The following PTPN23 variants were observed in gnomAD, a reference collection of about 807,000 sequenced individuals.
PTPN23 encodes protein tyrosine phosphatase non-receptor type 23, also known as tyrosine-protein phosphatase non-receptor type 23.
PTPN23 carries 72 observed loss-of-function variants against 156.3 expected under a neutral mutation model. The observed-to-expected ratio is 0.46, with a 90% confidence interval of 0.38 to 0.56. The LOEUF (loss-of-function observed/expected upper bound fraction) is 0.56. Ranked by LOEUF, PTPN23 falls within the 20% of genes least tolerant of loss-of-function variation. The pLI, the probability that PTPN23 is intolerant of heterozygous loss-of-function variation, is 0.00. For synonymous variants in PTPN23, 957 were observed against 899.6 expected (o/e 1.06, Z -1.14); for missense variants, 1,974 against 2,171.5 (o/e 0.91, Z 1.81).
At position 47,402,827 on chromosome 3, in the gene PTPN23, T is replaced by G. The variant is rs910621556; in HGVS notation, c.160-1825T>G. Among the ~76,000 whole-genome samples the G allele has an allele frequency of 1.1e-4, 17 of 152,246 alleles. 1 individual carries two copies. In the East Asian group the frequency reaches 3.3e-3, roughly 29 times the overall value. ...TTCAAACGATTCTCTTGCCTAAGCC[T>G]CCCGAGTAGCTGGGATTACAGGCAC... On this transcript the variant is annotated intron_variant, in intron 2 of 24. Coordinates refer to ENST00000265562, the MANE Select transcript of PTPN23 (RefSeq NM_015466.4).
At chr3:47,384,360 A>C (rs1291838389) in intron 1 of PTPN23, among the ~76,000 whole-genome samples, 1 of 143,564 alleles carries the variant, frequency 7.0e-6, no homozygotes, top group African/African-American at 2.6e-5. Context: ...CGGGAGGCTG[A>C]GGCAGGAGAA....
chr3:47,385,353 T>G (rs1704631258), intron 1 of PTPN23, among the ~76,000 whole-genome samples: 1 of 152,174 alleles, frequency 6.6e-6, no homozygotes, highest in Non-Finnish European at 1.5e-5. Flanking sequence ...GTGCCTGTCA[T>G]GTGCCAGCCC....
At position 47,412,878 on chromosome 3, in the gene PTPN23, C is replaced by T. The variant is rs763458730; in HGVS notation, c.4604C>T (p.Pro1535Leu). Residue 1535 changes from proline to leucine, a missense_variant, in exon 25 of 25, where the codon CCA becomes CTA. Coordinates refer to ENST00000265562, the MANE Select transcript of PTPN23 (RefSeq NM_015466.4). ...CCAGGCCTCCCGCCAGCCAGCCTCC[C>T]AGAGTCTACCCCAATCCCATCTTCC... ...EPPGLPPASL[P>L]ESTPIPSSSP... 6.2e-7 allele frequency: 1 copy of T among 1,612,194 alleles called. No homozygotes were observed. The highest frequency in any genetic ancestry group is 8.5e-7 in the Non-Finnish European group (1 of 1,178,876).
intron 1 of PTPN23, among the ~76,000 whole-genome samples, chr3:47,383,108 T>C (rs1364986168): frequency 1.3e-5 from 2 of 152,174 alleles, no homozygotes; most frequent in Non-Finnish European, 1.5e-5. Flanking sequence ...TCCCACTTCT[T>C]TCAGCATTTA....
rs1283388778 is a variant in PTPN23, at chr3:47,407,620, TGGGGTGGGGA to T, written c.1003+37_1003+46del. ...TGAGAGGTGGGGGCAGAGGTGACGG[TGGGGTGGGGA>T]CAGGACACAGGAGGCTGCCTCAAGG... On this transcript the variant is annotated intron_variant, in intron 12 of 24. Transcript: ENST00000265562. This position sits in a 1 kb window ranked among gnomAD's most constrained non-coding sequence, Gnocchi z 4.0. The T allele has an allele frequency of 4.1e-5, 66 of 1,605,360 alleles. No homozygotes were observed. Among genetic ancestry groups the T allele is most frequent in the Non-Finnish European group, 5.1e-5 (60 of 1,172,500 alleles).
chr3:47,409,593 TCCCGGAGCCA>T, intron 18 of PTPN23, 25 bp downstream of exon 18: 1 of 1,612,580 alleles, frequency 6.2e-7, no homozygotes, highest in Non-Finnish European at 8.5e-7. Flanking sequence ...CTCTGCTCTT[TCCCGGAGCCA>T]CCTGGAGCCC....
At chr3:47,395,051 C>T (rs1704850296) in intron 1 of PTPN23, among the ~76,000 whole-genome samples, 3 of 152,160 alleles carry the variant, frequency 2.0e-5, no homozygotes, top group Admixed American at 6.6e-5. Flanking sequence ...CTGTCGCCTC[C>T]CTGCCATCTG....
At position 47,408,990 on chromosome 3, in the gene PTPN23, G is replaced by C. The variant is rs148796973; in HGVS notation, c.1545G>C (p.Leu515=). 1.2e-6 allele frequency: 2 copies of C among 1,614,164 alleles called. No homozygotes were observed. The highest frequency in any genetic ancestry group is 4.5e-5 in the East Asian group (2 of 44,892). Residue 515 remains leucine (L), a synonymous_variant, in exon 16 of 25, where the codon CTG becomes CTC. Coordinates refer to ENST00000265562, the MANE Select transcript of PTPN23 (RefSeq NM_015466.4). ...HEKASFTNSE[L]HRAMNLHVGN... is the part of the protein sequence containing the mutation. ...AGGCCTCCTTCACCAACAGTGAGCT[G>C]CACCGTGCCATGAACCTGCACGTCG...
chr3:47,405,197 C>A lies in PTPN23; in HGVS notation c.364+116C>A. On this transcript the variant is annotated intron_variant, in intron 4 of 24. Transcript: ENST00000265562. This position sits in a 1 kb window ranked among gnomAD's most constrained non-coding sequence, Gnocchi z 4.7. ...GATAAAGGGAGGACTCCAGGATTCC[C>A]GCCCCTCCACTGACCTCCCCACAGC... 2.2e-6 allele frequency: 2 copies of A among 928,742 alleles called. No individual in the cohort carries two copies. The highest frequency in any genetic ancestry group is 1.6e-5 in the African/African-American group (1 of 62,214). The allele number at this position is 928,742 out of a possible 1,614,324, so 57.5% of individuals were successfully genotyped here.
chr3:47,412,435 C>A lies in PTPN23; in HGVS notation c.4317+14C>A, dbSNP rs199646896. The stretch of plus-strand genomic sequence containing the variant: ...CTGCAGGAGAAGGTGAGGATCTGGG[C>A]AGATGGGGCTGGGATGGGCCTTCTG... On this transcript the variant is annotated intron_variant, in intron 23 of 24. Coordinates refer to ENST00000265562, the MANE Select transcript of PTPN23 (RefSeq NM_015466.4). 1 of 1,612,428 alleles carries A rather than the reference C, an allele frequency of 6.2e-7. No individual in the cohort carries two copies. Among genetic ancestry groups the A allele is most frequent in the Non-Finnish European group, 8.5e-7 (1 of 1,179,538 alleles).
intron 1 of PTPN23, among the ~76,000 whole-genome samples, chr3:47,384,007 G>T (rs1462013096): frequency 6.6e-6 from 1 of 152,094 alleles, no homozygotes; most frequent in Non-Finnish European, 1.5e-5. Flanking sequence ...TTGGAGCTGA[G>T]GGTTAGAATT....
intron 3 of PTPN23, 22 bp downstream of exon 3, chr3:47,404,801 G>A (rs973859152): frequency 8.7e-6 from 14 of 1,611,466 alleles, no homozygotes; most frequent in Non-Finnish European, 1.2e-5. Flanking sequence ...AGGCAGGGCT[G>A]GAGGATCCCA....
chr3:47,396,487 A>C (rs914778303), intron 2 of PTPN23, among the ~76,000 whole-genome samples: 1 of 152,164 alleles, frequency 6.6e-6, no homozygotes, highest in Non-Finnish European at 1.5e-5. Flanking sequence ...AAGCAGGATA[A>C]TTGCTTCAAC....
intron 1 of PTPN23, among the ~76,000 whole-genome samples, chr3:47,390,276 C>T (rs1424541449): frequency 1.3e-5 from 2 of 152,152 alleles, no homozygotes; most frequent in African/African-American, 4.8e-5. Flanking sequence ...CACAGCAACT[C>T]AGGGGCACTG....
chr3:47,410,344 T>C lies in PTPN23; in HGVS notation c.2546T>C (p.Val849Ala). ...CATGGCGTGGTGAGCAGTCCCTATG[T>C]GGGGGTAGGGCCGGCCCCACCAGTT... ...PQHGVVSSPY[V>A]GVGPAPPVAG... The change falls in exon 20 of 25, where the codon GTG becomes GCG. Residue 849 changes from valine to alanine, a missense_variant. Around this residue, in one of 4 missense-constraint regions of PTPN23, gnomAD observed 731 missense variants for 669.1 expected, o/e 1.09. Transcript: ENST00000265562. The C allele has an allele frequency of 1.2e-6, 2 of 1,608,264 alleles. No individual in the cohort carries two copies. Among genetic ancestry groups the C allele is most frequent in the African/African-American group, 1.3e-5 (1 of 74,882 alleles).
At chr3:47,393,761 GTTTA>G (rs1704822523) in intron 1 of PTPN23, among the ~76,000 whole-genome samples, 1 of 151,382 alleles carries the variant, frequency 6.6e-6, no homozygotes, top group Admixed American at 6.6e-5. Flanking sequence ...TTATTTATTT[GTTTA>G]TTTATTATTA....
chr3:47,401,395 C>T (rs765589424), intron 2 of PTPN23, among the ~76,000 whole-genome samples: 6 of 152,068 alleles, frequency 3.9e-5, no homozygotes, highest in Non-Finnish European at 7.4e-5. Flanking sequence ...TTTGTAGAGG[C>T]GGAGTCTCGC....
In PTPN23 at chr3:47,398,340, G is replaced by A. The variant is rs556246455; in HGVS notation, c.159+2123G>A. ...TTATTACACTTAGTAAGGAAGGCAC[G>A]TGAAAAACTGAGATAGGCCAAAAGC... On this transcript the variant is annotated intron_variant, in intron 2 of 24. Coordinates refer to ENST00000265562, the MANE Select transcript of PTPN23 (RefSeq NM_015466.4). Among the ~76,000 whole-genome samples, 10 of 152,214 alleles carry A rather than the reference G, an allele frequency of 6.6e-5. No individual in the cohort carries two copies. The South Asian group carries it at 8.3e-4, about 13-fold the overall frequency.
At chr3:47,383,887 C>T (rs536519245) in intron 1 of PTPN23, among the ~76,000 whole-genome samples, 5 of 152,282 alleles carry the variant, frequency 3.3e-5, no homozygotes, top group Admixed American at 3.3e-4. Context: ...GGGACTCTTC[C>T]CAACCTGCAC....
Sources: gnomAD v4.1 joint callset for allele counts (sites outside exome capture counted in the v4.1 genomes callset) on GRCh38, gnomAD v4.1.1 for gene constraint, gnomAD v4.1.1 regional missense constraint, Gnocchi (gnomAD v3.1) non-coding constraint, MANE v1.5 for transcripts, NCBI Gene and HGNC (gene_info 2026-07-23, HGNC 2026-07-21) for gene names.